MICU1: variants seen among roughly 807,000 people sequenced by gnomAD.
MICU1 encodes the protein mitochondrial calcium uptake 1.
MICU1 carries 45 observed loss-of-function variants against 56.8 expected under a neutral mutation model. That is an observed-to-expected ratio of 0.79 (90% confidence interval 0.62 to 1.02). The LOEUF (loss-of-function observed/expected upper bound fraction) is 1.02, where lower values mean the gene tolerates loss of function less well. Among genes scored for constraint, MICU1 ranks in the 50% least tolerant of loss-of-function variants. The probability of loss-of-function intolerance (pLI) is 0.00; values close to 1 mark genes in which losing one functional copy is unlikely to be tolerated. For synonymous variants in MICU1, 186 were observed against 195.1 expected (o/e 0.95, Z 0.39); for missense variants, 504 against 587.1 (o/e 0.86, Z 1.46).
chr10:72,394,876 T>G (rs1863194185), intron 10 of MICU1, among the ~76,000 whole-genome samples: 1 of 151,960 alleles, frequency 6.6e-6, no homozygotes. Context: ...CTAATTTTTT[T>G]TCTTTTAGAA....
At chr10:72,553,004 TG>T in intron 3 of MICU1, among the ~76,000 whole-genome samples, 1 of 152,230 alleles carries the variant, frequency 6.6e-6, no homozygotes, top group Non-Finnish European at 1.5e-5. Flanking sequence ...GAGAAAAGAC[TG>T]CAAATTTGTG....
intron 8 of MICU1, among the ~76,000 whole-genome samples, chr10:72,427,135 G>A (rs1351590063): frequency 6.6e-6 from 1 of 152,182 alleles, no homozygotes; most frequent in Non-Finnish European, 1.5e-5. Context: ...TAGGAAGAGA[G>A]CTTAACAGCC....
At chr10:72,566,111 T>C (rs1042259269) in intron 2 of MICU1, among the ~76,000 whole-genome samples, 1 of 146,398 alleles carries the variant, frequency 6.8e-6, no homozygotes, top group Non-Finnish European at 1.5e-5. Flanking sequence ...TGGCACAATC[T>C]TGGCTCACTG....
At chr10:72,406,131 G>C (rs142049434) in intron 10 of MICU1, among the ~76,000 whole-genome samples, 1 of 151,786 alleles carries the variant, frequency 6.6e-6, no homozygotes, top group Non-Finnish European at 1.5e-5. Context: ...AGTGAATTTA[G>C]CAAAATTACA....
intron 5 of MICU1, among the ~76,000 whole-genome samples, chr10:72,527,509 T>A (rs777194054): frequency 3.1e-4 from 47 of 152,070 alleles, no homozygotes; most frequent in Admixed American, 1.6e-3. Flanking sequence ...ACTATAGGCA[T>A]GCATCACCAC....
At chr10:72,385,292 C>A (rs1438518844) in intron 10 of MICU1, among the ~76,000 whole-genome samples, 1 of 152,088 alleles carries the variant, frequency 6.6e-6, no homozygotes, top group African/African-American at 2.4e-5. Context: ...GAGTTCAAGA[C>A]CAGCCTGGCC....
chr10:72,440,623 T>C (rs1466655740), intron 8 of MICU1, among the ~76,000 whole-genome samples: 2 of 152,126 alleles, frequency 1.3e-5, no homozygotes, highest in Non-Finnish European at 2.9e-5. Context: ...ACCTACAGAA[T>C]GGGAGAAAAT....
chr10:72,432,160 C>A (rs1292989448), intron 8 of MICU1, among the ~76,000 whole-genome samples: 1 of 148,018 alleles, frequency 6.8e-6, no homozygotes, highest in Non-Finnish European at 1.5e-5. Flanking sequence ...GTGGTGTGAT[C>A]AACACTTAAT....
rs147005999 is a variant in MICU1 at position 72,506,151 on chromosome 10, T to C, written c.652+2004A>G. Among the ~76,000 whole-genome samples, 472 of 152,288 alleles carry C rather than the reference T, an allele frequency of 3.1e-3. 2 individuals carry two copies. Among genetic ancestry groups the C allele is most frequent in the African/African-American group, 0.011 (447 of 41,554 alleles). On this transcript the variant is annotated intron_variant, in intron 6 of 11. Coordinates refer to ENST00000361114, the MANE Select transcript of MICU1 (RefSeq NM_001195518.2). ...AAACTAGGAGTTGAGCACCATAAAG[T>C]AAATGTGCTGGGAATGGCAGAGCTA...
At chr10:72,455,964 C>T (rs80263441) in intron 8 of MICU1, among the ~76,000 whole-genome samples, 4,139 of 152,160 alleles carry the variant, frequency 0.027, 181 homozygotes, top group African/African-American at 0.096. Flanking sequence ...ACTGGTGACA[C>T]AGGGAGAAAC....
At chr10:72,406,808 G>A (rs115468101) in intron 10 of MICU1, among the ~76,000 whole-genome samples, 2,272 of 151,918 alleles carry the variant, frequency 0.015, 59 homozygotes, top group African/African-American at 0.051. Flanking sequence ...TGCAATTTTA[G>A]TAGAGATGGA....
chr10:72,472,878 T>A (rs1865992822), intron 8 of MICU1: 1 of 152,332 alleles, frequency 6.6e-6, no homozygotes, highest in Non-Finnish European at 1.5e-5. Flanking sequence ...GGTGGGCAGA[T>A]CACCTGAGGT....
chr10:72,383,433 C>T (rs992632537), intron 10 of MICU1, among the ~76,000 whole-genome samples: 1 of 152,142 alleles, frequency 6.6e-6, no homozygotes, highest in Admixed American at 6.6e-5. Flanking sequence ...ATGTACTCTT[C>T]GCTTCTTCCC....
At chr10:72,601,586 C>T (rs1302267239) in intron 1 of MICU1, among the ~76,000 whole-genome samples, 1 of 151,702 alleles carries the variant, frequency 6.6e-6, no homozygotes, top group Non-Finnish European at 1.5e-5. Flanking sequence ...ATGGCTGAGG[C>T]CCCTACAACA....
intron 9 of MICU1, among the ~76,000 whole-genome samples, chr10:72,408,691 C>T (rs1863709054): frequency 6.6e-6 from 1 of 152,170 alleles, no homozygotes; most frequent in Non-Finnish European, 1.5e-5. Context: ...AGCTACTTGA[C>T]TTGTTATACA....
intron 4 of MICU1, among the ~76,000 whole-genome samples, chr10:72,545,632 T>C (rs959132656): frequency 2.6e-5 from 4 of 152,120 alleles, no homozygotes; most frequent in Admixed American, 2.6e-4. Context: ...GTAAATAAAG[T>C]CTCATAGGTG....
chr10:72,418,808 G>A (rs1302693274), intron 9 of MICU1, among the ~76,000 whole-genome samples: 3 of 152,212 alleles, frequency 2.0e-5, no homozygotes, highest in Non-Finnish European at 4.4e-5. Flanking sequence ...TGGTCCTAGA[G>A]AGATGGACTC....
chr10:72,616,594 A>G (rs1471105081), intron 1 of MICU1, among the ~76,000 whole-genome samples: 1 of 151,958 alleles, frequency 6.6e-6, no homozygotes, highest in Non-Finnish European at 1.5e-5. Context: ...TCTAAAAAAA[A>G]AAAAAAAAAG....
At chr10:72,531,486 A>G (rs11000341) in intron 5 of MICU1, 89,470 of 151,836 alleles carry the variant, frequency 0.59, 27,613 homozygotes, top group Non-Finnish European at 0.67. Flanking sequence ...TTGCGAAGCC[A>G]AGGCGGGCGG....
Sources: allele counts gnomAD v4.1 joint callset (sites outside exome capture counted in the v4.1 genomes callset), GRCh38; gene constraint gnomAD v4.1.1; transcripts MANE v1.5; gene names NCBI Gene and HGNC (gene_info 2026-07-23, HGNC 2026-07-21).